Variants in ADGRG5 observed in about 807,000 individuals in gnomAD.
ADGRG5 encodes G protein-coupled receptor 114.
A neutral mutation model predicts 53.2 loss-of-function variants in ADGRG5; 37 were observed. That is an observed-to-expected ratio of 0.70 (90% confidence interval 0.53 to 0.91). The LOEUF (loss-of-function observed/expected upper bound fraction) is 0.91, where lower values mean the gene tolerates loss of function less well. ADGRG5 is among the 40% of genes least tolerant of loss of function. ADGRG5 has a pLI of 0.00. For synonymous variants in ADGRG5, 277 were observed against 290.4 expected (o/e 0.95, Z 0.47); for missense variants, 614 against 675.8 (o/e 0.91, Z 1.01).
chr16:57,536,982 TC>T, the ADGRG5 span, among the ~76,000 whole-genome samples: 1 of 152,144 alleles, frequency 6.6e-6, no homozygotes, highest in African/African-American at 2.4e-5. Flanking sequence ...CTGGGCCAGC[TC>T]TGCCACCGAG....
Position 57,567,974 on chromosome 16 carries a change from T to C in ADGRG5, c.940T>C (p.Cys314Arg). The change falls in exon 9 of 12, where the codon TGC becomes CGC. Residue 314 changes from cysteine (C) to arginine (R), a missense_variant. Coordinates refer to ENST00000349457, the MANE Select transcript of ADGRG5 (RefSeq NM_001304376.3). ...AATGTCTCCTGTGCCCGGGTCAGCA[T>C]GCACGGCTCTGGCCGCTGCCCTGCA... Reference protein sequence around the residue: ...FAMSPVPGSACTALAAALHYA... With the variant: ...FAMSPVPGSARTALAAALHYA... 6 of 1,614,028 alleles carry C rather than the reference T, an allele frequency of 3.7e-6. No individual in the cohort carries two copies. The highest frequency in any genetic ancestry group is 5.1e-6 in the Non-Finnish European group (6 of 1,179,968).
At chr16:57,534,877 C>G in the ADGRG5 span, among the ~76,000 whole-genome samples, 1 of 152,206 alleles carries the variant, frequency 6.6e-6, no homozygotes, top group African/African-American at 2.4e-5. Context: ...GCCTAATTGA[C>G]CCACTGGGAA....
chr16:57,561,016 C>T (rs748204653), intron 1 of ADGRG5, among the ~76,000 whole-genome samples: 4 of 152,178 alleles, frequency 2.6e-5, no homozygotes, highest in Admixed American at 6.5e-5. Context: ...TGGTCTCAAG[C>T]GATCCTCCTG....
chr16:57,533,846 C>T, the ADGRG5 span, among the ~76,000 whole-genome samples: 1 of 152,200 alleles, frequency 6.6e-6, no homozygotes, highest in Non-Finnish European at 1.5e-5. Context: ...CCCCAGCTGC[C>T]CTGCCCGCCC....
At chr16:57,566,819 C>CA in intron 7 of ADGRG5, 68 bp downstream of exon 7, 10 of 1,315,986 alleles carry the variant, frequency 7.6e-6, no homozygotes, top group Non-Finnish European at 8.9e-6. Context: ...AGGAGCAAGG[C>CA]AAAAGCTGGT....
At chr16:57,567,049 T>C (rs1244029092) in intron 7 of ADGRG5, among the ~76,000 whole-genome samples, 1 of 152,194 alleles carries the variant, frequency 6.6e-6, no homozygotes, top group Non-Finnish European at 1.5e-5. Flanking sequence ...GATAATAATA[T>C]AGCTGGCAGC....
chr16:57,573,936 G>T (rs1432864472), intron 10 of ADGRG5, among the ~76,000 whole-genome samples: 1 of 152,078 alleles, frequency 6.6e-6, no homozygotes, highest in Non-Finnish European at 1.5e-5. Flanking sequence ...TGGCCAGGAT[G>T]GTCTCCAACT....
intron 1 of ADGRG5, among the ~76,000 whole-genome samples, chr16:57,550,038 A>G (rs2032710176): frequency 6.6e-6 from 1 of 151,998 alleles, no homozygotes. Flanking sequence ...ATGCAGTGGC[A>G]TGATCTCAGC....
intron 8 of ADGRG5, 92 bp downstream of exon 8, chr16:57,567,683 T>C (rs1340004241): frequency 1.3e-6 from 2 of 1,506,526 alleles, no homozygotes; most frequent in Non-Finnish European, 1.8e-6. Flanking sequence ...TGGGTGTGCT[T>C]CTCCAGAGGG....
chr16:57,533,471 T>G, the ADGRG5 span, among the ~76,000 whole-genome samples: 1 of 145,902 alleles, frequency 6.9e-6, no homozygotes, highest in Non-Finnish European at 1.5e-5. Flanking sequence ...GCCCCAGTAA[T>G]GCACACATTC....
intron 8 of ADGRG5, 41 bp downstream of exon 8, chr16:57,567,632 G>T (rs2033172565): frequency 6.3e-7 from 1 of 1,596,742 alleles, no homozygotes; most frequent in South Asian, 1.1e-5. Flanking sequence ...CTGCACTGTG[G>T]CACATCACGC....
At position 57,575,887 on chromosome 16, in the gene ADGRG5, C is replaced by T. The variant is rs1158196096; in HGVS notation, c.*349C>T. On this transcript the variant is annotated 3_prime_UTR_variant, in exon 12 of 12. Coordinates refer to ENST00000349457, the MANE Select transcript of ADGRG5 (RefSeq NM_001304376.3). ...TCTGTCTGTATGACCTTGGGCCTGC[C>T]ACTTCTCACAGACCCTAGGTATCCA... 5 of 226,174 alleles carry T rather than the reference C, an allele frequency of 2.2e-5. No homozygotes were observed. Among genetic ancestry groups the T allele is most frequent in the Non-Finnish European group, 3.6e-5 (4 of 111,202 alleles). The allele number at this position is 226,174 out of a possible 1,614,324, so 14.0% of individuals were successfully genotyped here. A position where few individuals can be genotyped will look rare whatever the true frequency, so the allele number is the denominator to read the frequency against.
intron 1 of ADGRG5, among the ~76,000 whole-genome samples, chr16:57,546,225 G>A (rs528974690): frequency 2.2e-4 from 34 of 152,288 alleles, no homozygotes; most frequent in Middle Eastern, 6.8e-3. Flanking sequence ...CTGGGCTCAC[G>A]TGATCCTCTC....
chr16:57,566,742 T>C lies in ADGRG5; in HGVS notation c.690T>C (p.Ala230=). 1 of 1,545,184 alleles carries C rather than the reference T, an allele frequency of 6.5e-7. No individual in the cohort carries two copies. Residue 230 remains alanine (A), a synonymous_variant, in exon 7 of 12, where the codon GCT becomes GCC. Coordinates refer to ENST00000349457, the MANE Select transcript of ADGRG5 (RefSeq NM_001304376.3). ...LCRCNHLTYF[A]VLMQLSPALV... is the part of the protein sequence containing the mutation. The stretch of plus-strand genomic sequence containing the variant: ...GCTGCAACCACCTCACCTACTTTGC[T>C]GTTCTCATGGTATGTATGCATCCTG...
intron 8 of ADGRG5, 105 bp from the exon 9 acceptor site, chr16:57,567,751 C>G (rs2033176890): frequency 6.9e-7 from 1 of 1,440,174 alleles, no homozygotes; most frequent in South Asian, 1.3e-5. Context: ...GATCCCTGCC[C>G]CTTCTTCGCC....
the ADGRG5 span, among the ~76,000 whole-genome samples, chr16:57,531,805 C>G: frequency 1.3e-5 from 2 of 152,222 alleles, no homozygotes; most frequent in Non-Finnish European, 2.9e-5. Flanking sequence ...CCCTCCTGTT[C>G]TGGCTTCTCC....
At chr16:57,561,766 G>A (rs1263814527) in intron 1 of ADGRG5, among the ~76,000 whole-genome samples, 1 of 152,190 alleles carries the variant, frequency 6.6e-6, no homozygotes, top group Non-Finnish European at 1.5e-5. Context: ...CTGGGATCCT[G>A]GGGAAGCCCC....
At chr16:57,564,904 C>G (rs1193790949) in intron 5 of ADGRG5, 130 bp from the exon 6 acceptor site, 8 of 647,828 alleles carry the variant, frequency 1.2e-5, no homozygotes, top group Non-Finnish European at 2.2e-5. Context: ...GGCTGGGAGG[C>G]TGAGAAAGCT....
At chr16:57,567,333 CT>C (rs2033161229) in intron 7 of ADGRG5, 136 bp from the exon 8 acceptor site, 1 of 908,238 alleles carries the variant, frequency 1.1e-6, no homozygotes, top group Non-Finnish European at 1.6e-6. Flanking sequence ...CTGCCATGGC[CT>C]TGTTCAAGCC....
Sources: allele counts gnomAD v4.1 joint callset (sites outside exome capture counted in the v4.1 genomes callset), GRCh38; gene constraint gnomAD v4.1.1; transcripts MANE v1.5; gene names NCBI Gene and HGNC (gene_info 2026-07-23, HGNC 2026-07-21).